FARS2: variants seen among roughly 807,000 people sequenced by gnomAD.
FARS2 encodes the protein phenylalanyl-tRNA synthetase 2, mitochondrial, also known as phenylalanine--tRNA ligase, mitochondrial.
A neutral mutation model predicts 46.4 loss-of-function variants in FARS2; 40 were observed. The observed-to-expected ratio is 0.86, with a 90% CI of 0.67 to 1.12. The LOEUF is 1.12. Among genes scored for constraint, FARS2 ranks in the 50% most tolerant of loss-of-function variants. The pLI is 0.00. For synonymous variants in FARS2, 234 were observed against 214.9 expected (o/e 1.09, Z -0.78); for missense variants, 513 against 567.9 (o/e 0.90, Z 0.98).
intron 4 of FARS2, among the ~76,000 whole-genome samples, chr6:5,511,279 C>G (rs1459152860): frequency 1.3e-5 from 2 of 152,184 alleles, no homozygotes; most frequent in Non-Finnish European, 1.5e-5. Flanking sequence ...AGAAGGAAAG[C>G]ATTTGTGCTG....
intron 6 of FARS2, among the ~76,000 whole-genome samples, chr6:5,730,308 A>G (rs760755607): frequency 5.9e-5 from 9 of 152,220 alleles, no homozygotes; most frequent in Non-Finnish European, 1.0e-4. Flanking sequence ...GATTGAGGAT[A>G]GAGGAGATAA....
intron 5 of FARS2, among the ~76,000 whole-genome samples, chr6:5,601,913 C>T (rs1190511207): frequency 2.0e-5 from 3 of 152,142 alleles, no homozygotes; most frequent in Non-Finnish European, 2.9e-5. Flanking sequence ...TTTAACTAAA[C>T]GTGGCCATGG....
At chr6:5,707,273 GACCA>G (rs1353504145) in intron 6 of FARS2, among the ~76,000 whole-genome samples, 1 of 152,150 alleles carries the variant, frequency 6.6e-6, no homozygotes, top group African/African-American at 2.4e-5. Flanking sequence ...ACCAGTTGAG[GACCA>G]ACCATTATTC....
At chr6:5,534,931 G>C (rs1437223813) in intron 4 of FARS2, among the ~76,000 whole-genome samples, 1 of 151,670 alleles carries the variant, frequency 6.6e-6, no homozygotes, top group Non-Finnish European at 1.5e-5. Flanking sequence ...TTAACTTTCT[G>C]AGAAACTGCC....
At chr6:5,745,825 C>A (rs1761602551) in intron 6 of FARS2, among the ~76,000 whole-genome samples, 1 of 152,174 alleles carries the variant, frequency 6.6e-6, no homozygotes, top group Non-Finnish European at 1.5e-5. Context: ...CAGGTGTGAG[C>A]CACTGCACCC....
At chr6:5,741,315 C>T (rs760750689) in intron 6 of FARS2, among the ~76,000 whole-genome samples, 7 of 152,202 alleles carry the variant, frequency 4.6e-5, no homozygotes, top group Non-Finnish European at 1.0e-4. Context: ...ATGCACAGGG[C>T]GTGTGGATGC....
chr6:5,357,409 C>A (rs1162889653), intron 1 of FARS2, among the ~76,000 whole-genome samples: 1 of 152,118 alleles, frequency 6.6e-6, no homozygotes, highest in Admixed American at 6.5e-5. Context: ...TGTCCCTGAC[C>A]TCAAGTTGCT....
At chr6:5,440,461 TG>T (rs1452813593) in intron 4 of FARS2, among the ~76,000 whole-genome samples, 2 of 152,256 alleles carry the variant, frequency 1.3e-5, no homozygotes, top group Non-Finnish European at 2.9e-5. Context: ...TTTATCCATG[TG>T]TCCTGTGCAC....
At chr6:5,450,939 C>T (rs1764456479) in intron 4 of FARS2, among the ~76,000 whole-genome samples, 1 of 152,168 alleles carries the variant, frequency 6.6e-6, no homozygotes, top group Admixed American at 6.5e-5. Flanking sequence ...CTCCCCTCAT[C>T]TTCTGCTTTG....
At chr6:5,601,866 A>G (rs1273732131) in intron 5 of FARS2, among the ~76,000 whole-genome samples, 2 of 152,210 alleles carry the variant, frequency 1.3e-5, no homozygotes, top group Admixed American at 1.3e-4. Flanking sequence ...TCTGATCTAG[A>G]AAGAGAACAA....
intron 5 of FARS2, among the ~76,000 whole-genome samples, chr6:5,558,857 T>C (rs1043669983): frequency 3.9e-5 from 6 of 152,150 alleles, no homozygotes; most frequent in Non-Finnish European, 5.9e-5. Flanking sequence ...TTACAAGTTA[T>C]AATTCACTGT....
chr6:5,478,080 C>T (rs750718405), intron 4 of FARS2, among the ~76,000 whole-genome samples: 10 of 68,172 alleles, frequency 1.5e-4, no homozygotes, highest in Non-Finnish European at 2.6e-4. Context: ...CACCAACACA[C>T]ATACAATAAA....
At chr6:5,319,773 T>C (rs1367687479) in intron 1 of FARS2, among the ~76,000 whole-genome samples, 1 of 152,118 alleles carries the variant, frequency 6.6e-6, no homozygotes, top group African/African-American at 2.4e-5. Context: ...AACGGGAAGC[T>C]TTCTGTTACC....
intron 5 of FARS2, among the ~76,000 whole-genome samples, chr6:5,611,621 T>C (rs1256942848): frequency 6.6e-6 from 1 of 152,262 alleles, no homozygotes; most frequent in Non-Finnish European, 1.5e-5. Flanking sequence ...TTTATATTTT[T>C]TAGCTTGAAA....
intron 4 of FARS2, among the ~76,000 whole-genome samples, chr6:5,450,154 G>A (rs1314876646): frequency 6.6e-6 from 1 of 152,198 alleles, no homozygotes; most frequent in Non-Finnish European, 1.5e-5. Context: ...GATGGCCCCT[G>A]CCCTCCTGCA....
At chr6:5,760,746 T>C (rs1163476941) in intron 6 of FARS2, among the ~76,000 whole-genome samples, 1 of 152,230 alleles carries the variant, frequency 6.6e-6, no homozygotes, top group Non-Finnish European at 1.5e-5. Context: ...ATTCTGTCTG[T>C]GCTCTCCGCA....
chr6:5,716,342 T>A (rs1461354024), intron 6 of FARS2, among the ~76,000 whole-genome samples: 1 of 152,194 alleles, frequency 6.6e-6, no homozygotes, highest in Admixed American at 6.5e-5. Context: ...TTACATTTGG[T>A]TAATATTTAT....
At chr6:5,299,566 A>G (rs1022623481) in intron 1 of FARS2, among the ~76,000 whole-genome samples, 5 of 152,220 alleles carry the variant, frequency 3.3e-5, no homozygotes, top group Admixed American at 3.3e-4. Context: ...AGGGGAAACA[A>G]GTATTCTCTT....
chr6:5,478,072 C>G (rs1171887763), intron 4 of FARS2, among the ~76,000 whole-genome samples: 1 of 105,098 alleles, frequency 9.5e-6, no homozygotes, highest in Non-Finnish European at 1.9e-5. Flanking sequence ...CCCGCCCCCA[C>G]CAACACACAT....
Sources: gnomAD v4.1 joint callset for allele counts (sites outside exome capture counted in the v4.1 genomes callset) on GRCh38, gnomAD v4.1.1 for gene constraint, MANE v1.5 for transcripts, NCBI Gene and HGNC (gene_info 2026-07-23, HGNC 2026-07-21) for gene names.